The following COQ7 variants were observed in gnomAD, a reference collection of about 807,000 sequenced individuals.
COQ7 encodes the protein coenzyme Q7, hydroxylase.
In COQ7, 21 loss-of-function variants were observed where a neutral mutation model predicts 25.0. The ratio of observed to expected loss-of-function variants is 0.84; its 90% CI spans 0.60 to 1.21. The LOEUF is 1.21. Among genes scored for constraint, COQ7 ranks in the 50% most tolerant of loss-of-function variants. The pLI is 0.00. For synonymous variants in COQ7, 125 were observed against 112.4 expected (o/e 1.11, Z -0.71); for missense variants, 311 against 296.2 (o/e 1.05, Z -0.37).
chr16:19,067,885 G>A, intron 1 of COQ7, 148 bp downstream of exon 1: 1 of 1,494,584 alleles, frequency 6.7e-7, no homozygotes, highest in South Asian at 1.3e-5. Context: ...TCGGCCTCCG[G>A]GGCGCTGGCG....
In COQ7 at chr16:19,078,140, T is replaced by G; in HGVS notation, c.636T>G (p.Tyr212Ter). The change falls in exon 6 of 6, where the codon TAT (tyrosine) becomes TAG (stop). Residue 212 changes from tyrosine (Y) to a stop codon, truncating the protein, a stop_gained. Coordinates refer to ENST00000321998, the MANE Select transcript of COQ7 (RefSeq NM_016138.5). LOFTEE classifies it high-confidence loss of function. ...IIQAGCRVAI[Y>*]LSERL ...AGGCCGGATGCAGAGTGGCGATATA[T>G]TTATCAGAAAGATTATAAAGTGTGT... 6.2e-7 allele frequency: 1 copy of G among 1,611,856 alleles called. No homozygotes were observed. The highest frequency in any genetic ancestry group is 8.5e-7 in the Non-Finnish European group (1 of 1,179,020).
rs1447346995 is a variant in COQ7 at position 19,079,245 on chromosome 16, T to G, written c.*1087T>G. ...CCTCTAGGACTGTGAGCAATAAATG[T>G]TTGATGTTTATAAGCCACCCAGACT... On this transcript the variant is annotated 3_prime_UTR_variant, in exon 6 of 6. Coordinates refer to ENST00000321998, the MANE Select transcript of COQ7 (RefSeq NM_016138.5). 1 of 152,164 alleles carries G rather than the reference T, an allele frequency of 6.6e-6. No individual in the cohort carries two copies. The highest frequency in any genetic ancestry group is 2.4e-5 in the African/African-American group (1 of 41,448). 9.4% of individuals were successfully genotyped at this position (152,164 alleles called of 1,614,324 possible).
At chr16:19,068,893 AAAAAAAAC>A (rs1348658107) in intron 1 of COQ7, 1 of 317,260 alleles carries the variant, frequency 3.2e-6, no homozygotes, top group African/African-American at 4.5e-5. Context: ...GTAATCATTA[AAAAAAAAC>A]AAACAAATTA....
At chr16:19,075,672 C>T (rs1962794927) in intron 3 of COQ7, 49 bp from the exon 4 acceptor site, 2 of 1,519,520 alleles carry the variant, frequency 1.3e-6, no homozygotes, top group Non-Finnish European at 1.8e-6. Context: ...GTCTCCATTA[C>T]CGGTCATATC....
intron 1 of COQ7, chr16:19,068,618 C>T (rs929141608): frequency 1.2e-5 from 3 of 252,554 alleles, no homozygotes; most frequent in Non-Finnish European, 2.4e-5. Context: ...CACCACTGCA[C>T]TGCAACCTGG....
At chr16:19,077,939 GC>G in intron 5 of COQ7, 141 bp from the exon 6 acceptor site, 1 of 565,626 alleles carries the variant, frequency 1.8e-6, no homozygotes, top group East Asian at 3.3e-5. Context: ...CTTTTGAATA[GC>G]TTTCTTTGAA....
At chr16:19,076,328 C>T (rs1962837969) in intron 4 of COQ7, among the ~76,000 whole-genome samples, 1 of 149,336 alleles carries the variant, frequency 6.7e-6, no homozygotes, top group South Asian at 2.1e-4. Flanking sequence ...TTTCTGAGCT[C>T]CAGTAGTCCT....
chr16:19,082,069 G>A (rs1175594754), downstream of COQ7, among the ~76,000 whole-genome samples: 1 of 152,062 alleles, frequency 6.6e-6, no homozygotes, highest in African/African-American at 2.4e-5. Context: ...CCTTGTACAT[G>A]AATGCTCATA....
At chr16:19,076,254 A>ATTTTTT (rs765074767) in intron 4 of COQ7, among the ~76,000 whole-genome samples, 1 of 120,750 alleles carries the variant, frequency 8.3e-6, no homozygotes, top group African/African-American at 3.3e-5. Context: ...CTCACAGCTA[A>ATTTTTT]TTTTTTTTTT....
chr16:19,067,719 G>A lies in COQ7; in HGVS notation c.55G>A (p.Ala19Thr), dbSNP rs771061330. 13 of 1,605,682 alleles carry A rather than the reference G, an allele frequency of 8.1e-6. No homozygotes were observed. The highest frequency in any genetic ancestry group is 6.9e-5 in the Admixed American group (4 of 58,378). ...APRLWRLRPG[A>T]RRSLSAYGRR... ...CCGCCTTTGGCGGCTGCGCCCGGGG[G>A]CCCGGCGGTCCCTCTCAGGTAAAAG... Residue 19 changes from alanine (A) to threonine (T), a missense_variant, in exon 1 of 6, where the codon GCC (alanine) becomes ACC (threonine). By Grantham distance (58) the Ala-to-Thr change is moderately conservative. Coordinates refer to ENST00000321998, the MANE Select transcript of COQ7 (RefSeq NM_016138.5).
chr16:19,074,274 C>T (rs1403375528), intron 3 of COQ7, among the ~76,000 whole-genome samples: 1 of 151,812 alleles, frequency 6.6e-6, no homozygotes, highest in Non-Finnish European at 1.5e-5. Context: ...ACCTGTAATC[C>T]CAGCACTTTG....
chr16:19,067,817 GTCACGGGGGAGAGGT>G lies in COQ7; in HGVS notation c.73+83_73+97del, dbSNP rs143551249. On this transcript the variant is annotated intron_variant, in intron 1 of 5. Transcript: ENST00000321998. The stretch of plus-strand genomic sequence containing the variant: ...TTCGCTTGAGGTTTGGGTCGAAGAG[GTCACGGGGGAGAGGT>G]TCGTAACGTCACAGGCCTGCGACGG... The G allele has an allele frequency of 2.5e-3, 3,869 of 1,554,802 alleles. 88 individuals carry two copies. The African/African-American group carries it at 0.046, about 18-fold the overall frequency.
At chr16:19,074,533 A>AC (rs983875524) in intron 3 of COQ7, among the ~76,000 whole-genome samples, 4 of 151,378 alleles carry the variant, frequency 2.6e-5, no homozygotes, top group South Asian at 2.1e-4. Flanking sequence ...TCAAAAAAAA[A>AC]CCAAAACAAA....
intron 1 of COQ7, chr16:19,068,659 CAAAAAA>C (rs35036144): frequency 1.7e-3 from 302 of 179,844 alleles, no homozygotes; most frequent in South Asian, 3.4e-3. Context: ...CTCCCCCGCG[CAAAAAA>C]AAAAAAAAAA....
At position 19,075,817 on chromosome 16, in the gene COQ7, C is replaced by T. The variant is rs753589660; in HGVS notation, c.464C>T (p.Thr155Met). ...IAHHYNNQIR[T>M]LMEEDPEKYE... The stretch of plus-strand genomic sequence containing the variant: ...CATCACTACAACAACCAGATCAGGA[C>T]GCTGATGGAGGAGGACCCTGAAAAA... The change falls in exon 4 of 6, where the codon ACG becomes ATG. Residue 155 changes from threonine (T) to methionine (M), a missense_variant. Thr to Met is a moderately conservative substitution (Grantham distance 81, BLOSUM62 -1). Transcript: ENST00000321998. The T allele has an allele frequency of 5.9e-5, 95 of 1,614,060 alleles. No homozygotes were observed. Among genetic ancestry groups the T allele is most frequent in the Non-Finnish European group, 6.2e-5 (73 of 1,180,012 alleles).
downstream of COQ7, among the ~76,000 whole-genome samples, chr16:19,082,175 A>C (rs1030359647): frequency 3.9e-5 from 6 of 152,254 alleles, no homozygotes; most frequent in Non-Finnish European, 7.3e-5. Context: ...AAAAAGGAAT[A>C]AAGTAGTGAT....
Position 19,078,647 on chromosome 16 carries a change from T to G in COQ7, c.*489T>G, listed in dbSNP as rs1962987065. The G allele has an allele frequency of 6.6e-6, 1 of 151,904 alleles. No individual in the cohort carries two copies. The highest frequency in any genetic ancestry group is 1.5e-5 in the Non-Finnish European group (1 of 68,022). 9.4% of individuals were successfully genotyped at this position (151,904 alleles called of 1,614,324 possible). Reference sequence around the variant, plus strand: ...ATTCTATTTTTTTATAGAGGCGAAGTCTCACTATGTCGCCAGGCTGGTCTC... The same window carrying G: ...ATTCTATTTTTTTATAGAGGCGAAGGCTCACTATGTCGCCAGGCTGGTCTC... On this transcript the variant is annotated 3_prime_UTR_variant, in exon 6 of 6. Coordinates refer to ENST00000321998, the MANE Select transcript of COQ7 (RefSeq NM_016138.5).
intron 4 of COQ7, among the ~76,000 whole-genome samples, chr16:19,077,026 T>C (rs923080281): frequency 1.3e-5 from 2 of 152,286 alleles, no homozygotes; most frequent in African/African-American, 4.8e-5. Context: ...AGTCTAAATC[T>C]GAGGTTGGCA....
intron 1 of COQ7, chr16:19,068,048 T>G (rs569712658): frequency 2.4e-6 from 3 of 1,232,930 alleles, no homozygotes; most frequent in Non-Finnish European, 3.1e-6. Flanking sequence ...TTGGCGACAC[T>G]GAAAATTCAG....
Sources: allele counts gnomAD v4.1 joint callset (sites outside exome capture counted in the v4.1 genomes callset), GRCh38; gene constraint gnomAD v4.1.1; transcripts MANE v1.5; gene names NCBI Gene and HGNC (gene_info 2026-07-23, HGNC 2026-07-21).